TEX11: variants seen among roughly 807,000 people sequenced by gnomAD.
The protein encoded by TEX11 is testis expressed 11, also known as testis-expressed protein 11.
Under a neutral mutation model 84.4 loss-of-function variants are expected in TEX11, and 7 were observed. The ratio of observed to expected loss-of-function variants is 0.08; its 90% CI spans 0.05 to 0.16. The LOEUF (loss-of-function observed/expected upper bound fraction) is 0.16, where lower values mean the gene tolerates loss of function less well. TEX11 is among the 10% of genes least tolerant of loss of function. TEX11 has a pLI of 1.00. For synonymous variants in TEX11, 264 were observed against 222.8 expected (o/e 1.18, Z -1.64); for missense variants, 551 against 660.5 (o/e 0.83, Z 1.82).
chrX:70,634,374 T>C (rs1374993588), intron 17 of TEX11, among the ~76,000 whole-genome samples: 3 of 112,085 alleles, frequency 2.7e-5, no homozygotes, highest in Non-Finnish European at 3.8e-5. Flanking sequence ...CTAAAATTCA[T>C]ATGGATATAC....
chrX:70,545,161 C>T (rs1045790544), intron 28 of TEX11, among the ~76,000 whole-genome samples: 4 of 110,401 alleles, frequency 3.6e-5, no homozygotes, highest in Non-Finnish European at 7.6e-5. Context: ...GCCGAGATTG[C>T]GCCATGGCAC....
intron 25 of TEX11, among the ~76,000 whole-genome samples, chrX:70,565,102 T>C (rs1192206816): frequency 4.2e-4 from 46 of 108,725 alleles, no homozygotes; most frequent in Non-Finnish European, 8.8e-4. Context: ...CCATTCTAAC[T>C]GGTGTGAGAT....
intron 9 of TEX11, among the ~76,000 whole-genome samples, chrX:70,782,659 A>AAC (rs2091048461): frequency 9.6e-6 from 1 of 103,898 alleles, no homozygotes; most frequent in Non-Finnish European, 2.0e-5. Flanking sequence ...AAAAAAAAAA[A>AAC]AAAAAAACAG....
intron 9 of TEX11, among the ~76,000 whole-genome samples, chrX:70,798,148 A>C (rs1432448463): frequency 9.1e-6 from 1 of 109,657 alleles, no homozygotes; most frequent in Non-Finnish European, 1.9e-5. Flanking sequence ...AAATTCAATA[A>C]AGTTGCAAAT....
chrX:70,789,416 A>G (rs1487163571), intron 9 of TEX11, among the ~76,000 whole-genome samples: 1 of 111,110 alleles, frequency 9.0e-6, no homozygotes, highest in East Asian at 2.8e-4. Context: ...ACATGGCAAA[A>G]CCCTGTCTCT....
intron 4 of TEX11, among the ~76,000 whole-genome samples, chrX:70,865,443 C>T (rs1328188121): frequency 3.6e-5 from 4 of 111,119 alleles, no homozygotes; most frequent in African/African-American, 9.8e-5. Flanking sequence ...ACAATAATAG[C>T]GGGAGATTTT....
At chrX:70,886,280 A>G (rs918677191) in intron 2 of TEX11, among the ~76,000 whole-genome samples, 1 of 112,174 alleles carries the variant, frequency 8.9e-6, no homozygotes, top group Non-Finnish European at 1.9e-5. Context: ...AGGAAATTCC[A>G]TAATATGTGA....
chrX:70,606,286 A>G (rs188117688), intron 23 of TEX11, among the ~76,000 whole-genome samples: 1 of 111,872 alleles, frequency 8.9e-6, no homozygotes, highest in African/African-American at 3.2e-5. Flanking sequence ...CTAGCTCTAA[A>G]ACTCTTAACA....
chrX:70,894,623 T>TA (rs756394243), intron 2 of TEX11, among the ~76,000 whole-genome samples: 36 of 94,533 alleles, frequency 3.8e-4, no homozygotes, highest in Admixed American at 9.3e-4. Context: ...AGACTCCGTC[T>TA]AAAAAAAAAA....
rs1472976169 is a variant in TEX11 at position 70,629,671 on chromosome X, T to C, written c.1548A>G (p.Leu516=). The C allele has an allele frequency of 8.3e-7, 1 of 1,197,829 alleles. No homozygotes were observed. Among genetic ancestry groups the C allele is most frequent in the South Asian group, 1.8e-5 (1 of 56,369 alleles). Residue 516 remains leucine (L), a synonymous_variant, in exon 18 of 30, where the codon CTA becomes CTG. Coordinates refer to ENST00000374333, the MANE Select transcript of TEX11 (RefSeq NM_031276.3). ...TGGTAGGTGAACCTCTCTCTGCAAC[T>C]AGATCATTATCTTCTGACTCTTCAT... ...LTDEESEDND[L]VAERGSPTML... is the part of the protein sequence containing the mutation.
At chrX:70,793,260 G>A (rs888973607) in intron 9 of TEX11, among the ~76,000 whole-genome samples, 23 of 111,571 alleles carry the variant, frequency 2.1e-4, no homozygotes, top group Non-Finnish European at 1.5e-4. Context: ...GCCAAAACTA[G>A]GAACATTTCC....
chrX:70,652,868 T>C (rs144862746), intron 16 of TEX11, among the ~76,000 whole-genome samples: 128 of 110,980 alleles, frequency 1.2e-3, no homozygotes, highest in African/African-American at 4.0e-3. Context: ...CTATACTTTC[T>C]AGGATAGCCA....
At chrX:70,728,247 G>A (rs1054317574) in intron 11 of TEX11, among the ~76,000 whole-genome samples, 2 of 112,333 alleles carry the variant, frequency 1.8e-5, no homozygotes, top group Non-Finnish European at 3.8e-5. Context: ...CAACACAGAA[G>A]ACAGGTGATT....
At chrX:70,621,347 C>A (rs1225600410) in intron 20 of TEX11, among the ~76,000 whole-genome samples, 1 of 102,243 alleles carries the variant, frequency 9.8e-6, no homozygotes, top group Non-Finnish European at 2.0e-5. Context: ...ATAGTGAAAC[C>A]CCGTCTCTAC....
At position 70,774,867 on chromosome X, in the gene TEX11, T is replaced by G. The variant is rs189673306; in HGVS notation, c.693-30648A>C. On this transcript the variant is annotated intron_variant, in intron 9 of 29. Transcript: ENST00000374333. ...AGAAAAAATAATCCTAAAAAAGAAC[T>G]TGAATAGCCAAAGCAATCCTGAGCA... Among the ~76,000 whole-genome samples the G allele has an allele frequency of 3.6e-5, 4 of 111,379 alleles. No individual in the cohort carries two copies. In the East Asian group the frequency reaches 1.1e-3, roughly 31 times the overall value.
At chrX:70,840,434 G>C (rs2091435561) in intron 7 of TEX11, among the ~76,000 whole-genome samples, 2 of 111,527 alleles carry the variant, frequency 1.8e-5, no homozygotes. Flanking sequence ...AATGCTGAGA[G>C]ATTTTGTCAC....
At chrX:70,518,504 C>G in the TEX11 span, among the ~76,000 whole-genome samples, 5 of 112,152 alleles carry the variant, frequency 4.5e-5, no homozygotes, top group East Asian at 5.6e-4. Flanking sequence ...GTTATAATTT[C>G]TGTTCTTTTA....
intron 2 of TEX11, 78 bp from the exon 3 acceptor site, chrX:70,880,187 G>T (rs1031419528): frequency 8.8e-6 from 7 of 799,698 alleles, no homozygotes; most frequent in Non-Finnish European, 1.2e-5. Flanking sequence ...TTAAATCTAT[G>T]TCTAAATCAT....
the TEX11 span, among the ~76,000 whole-genome samples, chrX:70,514,359 G>T: frequency 9.0e-6 from 1 of 110,911 alleles, no homozygotes; most frequent in African/African-American, 3.3e-5. Flanking sequence ...CACTTTGGGA[G>T]GCTGAGGCGG....
Sources: allele counts gnomAD v4.1 joint callset (sites outside exome capture counted in the v4.1 genomes callset), GRCh38; gene constraint gnomAD v4.1.1; transcripts MANE v1.5; gene names NCBI Gene and HGNC (gene_info 2026-07-23, HGNC 2026-07-21).